Variants in GRAMD2B observed in about 807,000 individuals in gnomAD.
The protein encoded by GRAMD2B is GRAM domain containing 2B, also known as GRAM domain-containing protein 2B.
Under a neutral mutation model 59.2 loss-of-function variants are expected in GRAMD2B, and 41 were observed. The observed-to-expected ratio is 0.69, with a 90% CI of 0.54 to 0.90. The LOEUF is 0.90. Among genes scored for constraint, GRAMD2B ranks in the 40% least tolerant of loss-of-function variants. GRAMD2B has a pLI of 0.00. For synonymous variants in GRAMD2B, 161 were observed against 182.7 expected (o/e 0.88, Z 0.96); for missense variants, 424 against 500.5 (o/e 0.85, Z 1.46).
chr5:126,384,734 G>A (rs1021275344), intron 1 of GRAMD2B, among the ~76,000 whole-genome samples: 1 of 152,194 alleles, frequency 6.6e-6, no homozygotes, highest in East Asian at 1.9e-4. Flanking sequence ...CACGCACTCT[G>A]GTTCAGGGCC....
chr5:126,377,385 C>T (rs72782465), intron 1 of GRAMD2B, among the ~76,000 whole-genome samples: 1,773 of 152,198 alleles, frequency 0.012, 18 homozygotes, highest in South Asian at 0.019. Context: ...TCTACCCTCA[C>T]TTATAAGACA....
rs946887199 is a variant in GRAMD2B at position 126,472,141 on chromosome 5, T to C, written c.316-97T>C. The C allele has an allele frequency of 1.5e-5, 13 of 864,538 alleles. No individual in the cohort carries two copies. The African/African-American group carries it at 1.7e-4, about 11-fold the overall frequency. The allele number at this position is 864,538 out of a possible 1,614,324, so 53.6% of individuals were successfully genotyped here. A position where few individuals can be genotyped will look rare whatever the true frequency, so the allele number is the denominator to read the frequency against. On this transcript the variant is annotated intron_variant, in intron 3 of 13. Coordinates refer to ENST00000285689, the MANE Select transcript of GRAMD2B (RefSeq NM_023927.4). ...ATCAGTGAGAAGGAATTCCTAAAGA[T>C]ACTATTAAGGGAGGGAAAATTTGTT...
chr5:126,415,679 C>T (rs1042505886), intron 1 of GRAMD2B, among the ~76,000 whole-genome samples: 3 of 152,170 alleles, frequency 2.0e-5, no homozygotes, highest in Non-Finnish European at 2.9e-5. Flanking sequence ...AAGTCCTCTG[C>T]ATTCCCTTCT....
At chr5:126,478,282 A>G (rs866080803) in intron 6 of GRAMD2B, among the ~76,000 whole-genome samples, 1 of 151,662 alleles carries the variant, frequency 6.6e-6, no homozygotes, top group African/African-American at 2.4e-5. Flanking sequence ...TACAAAAAAT[A>G]TAAAAATTAG....
intron 1 of GRAMD2B, among the ~76,000 whole-genome samples, chr5:126,417,867 G>C (rs1244693617): frequency 6.6e-6 from 1 of 152,128 alleles, no homozygotes; most frequent in African/African-American, 2.4e-5. Context: ...CCCCCTGCAA[G>C]TCTGGAAAAC....
chr5:126,394,884 G>A (rs1474162468), intron 1 of GRAMD2B, among the ~76,000 whole-genome samples: 1 of 152,162 alleles, frequency 6.6e-6, no homozygotes, highest in Non-Finnish European at 1.5e-5. Context: ...GAGTGAGCCA[G>A]CCAAACTAAT....
At chr5:126,447,211 A>T (rs1470952290) in intron 1 of GRAMD2B, among the ~76,000 whole-genome samples, 1 of 152,204 alleles carries the variant, frequency 6.6e-6, no homozygotes, top group Non-Finnish European at 1.5e-5. Flanking sequence ...CTACTGAATT[A>T]TGGGGGGTTG....
intron 1 of GRAMD2B, among the ~76,000 whole-genome samples, chr5:126,374,014 G>A (rs145406139): frequency 4.2e-4 from 64 of 152,334 alleles, no homozygotes; most frequent in African/African-American, 1.3e-3. Context: ...CCTACTTGTG[G>A]TTGATTTCCA....
intron 9 of GRAMD2B, among the ~76,000 whole-genome samples, chr5:126,484,192 G>A (rs1772429350): frequency 1.3e-5 from 2 of 152,282 alleles, no homozygotes; most frequent in South Asian, 4.2e-4. Context: ...ATGTGAGTTG[G>A]TTGGAAAATG....
intron 8 of GRAMD2B, 82 bp downstream of exon 8, chr5:126,480,789 G>A (rs1771571282): frequency 3.1e-6 from 4 of 1,292,654 alleles, no homozygotes; most frequent in South Asian, 1.2e-5. Context: ...CCATGACCAG[G>A]GTGTGGGAAG....
intron 1 of GRAMD2B, among the ~76,000 whole-genome samples, chr5:126,403,762 G>A (rs906988666): frequency 2.0e-5 from 3 of 151,740 alleles, no homozygotes; most frequent in Non-Finnish European, 2.9e-5. Flanking sequence ...AAAGACTTAC[G>A]CAGAGGAACA....
In GRAMD2B at chr5:126,473,302, AG is replaced by A; in HGVS notation, c.422del (p.Gly141GlufsTer30). 6.5e-7 allele frequency: 1 copy of A among 1,537,096 alleles called. No individual in the cohort carries two copies. The highest frequency in any genetic ancestry group is 2.3e-5 in the East Asian group (1 of 42,686). ...CTCTACAGAAAGAAATACTATACCAAGGAAAGCTCTTTGTATCAGAAAACTG... is the reference window on the plus strand; with the variant it reads ...CTCTACAGAAAGAAATACTATACCAAGAAAGCTCTTTGTATCAGAAAACTG... ...CALQKEILYQ[G>X]KLFVSENWIC... On this transcript the variant is annotated frameshift_variant, in exon 5 of 14. Transcript: ENST00000285689. LOFTEE classifies it high-confidence loss of function.
chr5:126,372,807 G>T (rs1306377155), intron 1 of GRAMD2B, among the ~76,000 whole-genome samples: 3 of 152,076 alleles, frequency 2.0e-5, no homozygotes, highest in African/African-American at 7.2e-5. Context: ...AGCTTCAAGT[G>T]CCTCTTGAAT....
At chr5:126,419,168 GTAA>G (rs924970239), upstream of GRAMD2B, among the ~76,000 whole-genome samples, 15 of 152,270 alleles carry the variant, frequency 9.9e-5, no homozygotes, top group African/African-American at 3.6e-4. Flanking sequence ...CTGAGATTGG[GTAA>G]TTTATAAAGA....
chr5:126,460,136 A>T (rs566852298), intron 1 of GRAMD2B, among the ~76,000 whole-genome samples: 4 of 148,764 alleles, frequency 2.7e-5, no homozygotes, highest in Admixed American at 1.3e-4. Context: ...AAAATAAGTT[A>T]AAAAAAAAGC....
At chr5:126,483,641 T>TAAA in intron 9 of GRAMD2B, 67 bp downstream of exon 9, 7 of 554,514 alleles carry the variant, frequency 1.3e-5, no homozygotes, top group Admixed American at 3.6e-5. Context: ...CCCACCCCCT[T>TAAA]AAAAAAAAAA....
At chr5:126,370,709 T>C (rs1461002646), upstream of GRAMD2B, among the ~76,000 whole-genome samples, 1 of 152,244 alleles carries the variant, frequency 6.6e-6, no homozygotes, top group East Asian at 1.9e-4. Flanking sequence ...TGGGATCACC[T>C]GCAGTTGCCC....
chr5:126,460,130 T>C (rs1460397317), intron 1 of GRAMD2B, among the ~76,000 whole-genome samples: 2 of 151,874 alleles, frequency 1.3e-5, no homozygotes, highest in Non-Finnish European at 2.9e-5. Context: ...CAAGATAAAA[T>C]AAGTTAAAAA....
intron 1 of GRAMD2B, among the ~76,000 whole-genome samples, chr5:126,387,737 G>C (rs780659815): frequency 6.6e-6 from 1 of 152,016 alleles, no homozygotes; most frequent in Non-Finnish European, 1.5e-5. Flanking sequence ...TCAGACAATG[G>C]AGGAACAGAA....
Sources: gnomAD v4.1 joint callset for allele counts (sites outside exome capture counted in the v4.1 genomes callset) on GRCh38, gnomAD v4.1.1 for gene constraint, MANE v1.5 for transcripts, NCBI Gene and HGNC (gene_info 2026-07-23, HGNC 2026-07-21) for gene names.